Variants in PCDHA2 observed in about 807,000 individuals in gnomAD.
PCDHA2 encodes protocadherin alpha 2.
Under a neutral mutation model 66.0 loss-of-function variants are expected in PCDHA2, and 58 were observed. The ratio of observed to expected loss-of-function variants is 0.88; its 90% CI spans 0.71 to 1.09. The LOEUF (loss-of-function observed/expected upper bound fraction) is 1.09. PCDHA2 is among the 50% of genes least tolerant of loss of function. The pLI is 0.00. For synonymous variants in PCDHA2, 634 were observed against 554.0 expected (o/e 1.14, Z -2.03); for missense variants, 1,267 against 1,242.3 (o/e 1.02, Z -0.30).
chr5:140,927,421 G>A, intron 1 of PCDHA2: 2 of 1,614,208 alleles, frequency 1.2e-6, no homozygotes, highest in South Asian at 1.1e-5. Flanking sequence ...GGGATCGCGG[G>A]TTGACGGCAG....
chr5:140,871,610 T>C (rs2053222652), intron 1 of PCDHA2: 1 of 1,429,404 alleles, frequency 7.0e-7, no homozygotes, highest in South Asian at 1.5e-5. Context: ...GTTTTGAATA[T>C]TGTTTTAGAT....
intron 1 of PCDHA2, chr5:140,967,210 C>T (rs146322183): frequency 1.4e-4 from 231 of 1,613,674 alleles, no homozygotes; most frequent in Admixed American, 5.0e-4. Flanking sequence ...CACCGCGTTT[C>T]CCGCGGCCCA....
At chr5:141,000,743 T>TA (rs527867626) in intron 3 of PCDHA2, among the ~76,000 whole-genome samples, 4,963 of 145,376 alleles carry the variant, frequency 0.034, 280 homozygotes, top group African/African-American at 0.12. Flanking sequence ...CTCTGTATAT[T>TA]AAAAAAAAAA....
chr5:140,820,446 G>T (rs1554127843), intron 1 of PCDHA2, among the ~76,000 whole-genome samples: 2 of 151,820 alleles, frequency 1.3e-5, no homozygotes, highest in African/African-American at 4.8e-5. Context: ...TAATCTCTTG[G>T]TCCCTCTTGT....
chr5:140,816,342 A>C (rs1554127037), intron 1 of PCDHA2: 3 of 152,042 alleles, frequency 2.0e-5, no homozygotes, highest in Non-Finnish European at 4.4e-5. Context: ...CAGTTCCAAA[A>C]TTTCTTTTTA....
At chr5:140,843,797 TC>T (rs2150366805) in intron 1 of PCDHA2, 1 of 1,359,254 alleles carries the variant, frequency 7.4e-7, no homozygotes, top group South Asian at 1.4e-5. Flanking sequence ...ATTTAGTTTT[TC>T]ACCGTATTTT....
chr5:140,863,155 T>G (rs1554157838), intron 1 of PCDHA2: 1 of 635,268 alleles, frequency 1.6e-6, no homozygotes, highest in Admixed American at 1.9e-5. Context: ...GAAGGACCAC[T>G]GCGAGCTGGC....
In PCDHA2 at chr5:140,795,246, G is replaced by A. The variant is rs1249939086; in HGVS notation, c.282G>A (p.Glu94=). The A allele has an allele frequency of 9.9e-6, 16 of 1,614,154 alleles. No individual in the cohort carries two copies. The highest frequency in any genetic ancestry group is 3.3e-4 in the Middle Eastern group (2 of 6,084). The change falls in exon 1 of 4, where the codon GAG becomes GAA. Residue 94 remains glutamate, a synonymous_variant. Transcript: ENST00000526136. ...TGAATTCTCGGATCGACCGGGAGGAGCTGTGCGGGCGGAGCGCGGAATGTA... is the reference window on the plus strand; with the variant it reads ...TGAATTCTCGGATCGACCGGGAGGAACTGTGCGGGCGGAGCGCGGAATGTA... The part of the protein sequence containing the change: ...LFVNSRIDRE[E]LCGRSAECSI...
In PCDHA2 at chr5:140,841,673, C is replaced by T; in HGVS notation, c.2388+44321C>T. On this transcript the variant is annotated intron_variant, in intron 1 of 3. Transcript: ENST00000526136. ...CGTGGACAGGCCGCTGCAGGTTTTCCATGTGGACGTGGAGGTGAAGGATGT... is the reference window on the plus strand; with the variant it reads ...CGTGGACAGGCCGCTGCAGGTTTTCTATGTGGACGTGGAGGTGAAGGATGT... 1.2e-6 allele frequency: 2 copies of T among 1,614,024 alleles called. No individual in the cohort carries two copies. The highest frequency in any genetic ancestry group is 1.7e-6 in the Non-Finnish European group (2 of 1,179,944).
chr5:140,938,148 A>G (rs563866654), intron 1 of PCDHA2, among the ~76,000 whole-genome samples: 1 of 152,284 alleles, frequency 6.6e-6, no homozygotes, highest in African/African-American at 2.4e-5. Context: ...GTCTCACTAC[A>G]TTGCCCAGGC....
intron 1 of PCDHA2, among the ~76,000 whole-genome samples, chr5:140,917,584 A>T (rs2153544569): frequency 6.6e-6 from 1 of 152,336 alleles, no homozygotes; most frequent in South Asian, 2.1e-4. Context: ...ATTTTTGTTC[A>T]TGCTGAAAGG....
At chr5:140,805,508 A>AT (rs1451162249) in intron 1 of PCDHA2, 1 of 988,548 alleles carries the variant, frequency 1.0e-6, no homozygotes, top group Admixed American at 6.1e-5. Context: ...CACTAGATTG[A>AT]TTTTTTGTTT....
intron 3 of PCDHA2, among the ~76,000 whole-genome samples, chr5:140,998,139 G>C (rs1354714500): frequency 2.0e-5 from 3 of 152,176 alleles, no homozygotes; most frequent in Non-Finnish European, 4.4e-5. Flanking sequence ...TAGCTAACCT[G>C]TACTGAACAG....
At chr5:140,801,326 C>A (rs782180915) in intron 1 of PCDHA2, 1 of 1,613,294 alleles carries the variant, frequency 6.2e-7, no homozygotes, top group East Asian at 2.2e-5. Context: ...AGCATGGCAC[C>A]TTCGTGGGCC....
intron 1 of PCDHA2, chr5:140,834,400 G>A: frequency 1.2e-6 from 2 of 1,605,520 alleles, no homozygotes; most frequent in Non-Finnish European, 8.5e-7. Flanking sequence ...TGCCCGAATG[G>A]ATACGACCCA....
In PCDHA2 at chr5:140,796,492, G is replaced by T. The variant is rs1562160461; in HGVS notation, c.1528G>T (p.Val510Leu). Residue 510 changes from valine (V) to leucine (L), a missense_variant, in exon 1 of 4, where the codon GTG (valine) becomes TTG (leucine). Physicochemically the swap from Val to Leu is conservative, Grantham distance 32. Transcript: ENST00000526136. Reference sequence around the variant, plus strand: ...GCGCGCGTTGTCGAGCTACGTTTCGGTGCACGCGGAGAGCGGCAAGGTGTA... The same window carrying T: ...GCGCGCGTTGTCGAGCTACGTTTCGTTGCACGCGGAGAGCGGCAAGGTGTA... Reference protein sequence around the residue: ...GERALSSYVSVHAESGKVYAL... With the variant: ...GERALSSYVSLHAESGKVYAL... 6.2e-7 allele frequency: 1 copy of T among 1,612,332 alleles called. No homozygotes were observed. The highest frequency in any genetic ancestry group is 1.7e-5 in the Admixed American group (1 of 60,014).
At chr5:140,836,565 T>G (rs2150264210) in intron 1 of PCDHA2, 7 of 1,613,616 alleles carry the variant, frequency 4.3e-6, no homozygotes, top group African/African-American at 1.3e-5. Flanking sequence ...AGCGCCGTCC[T>G]CTGAGGGCGC....
chr5:140,929,694 A>G, intron 1 of PCDHA2: 1 of 270,028 alleles, frequency 3.7e-6, no homozygotes, highest in Non-Finnish European at 7.3e-6. Flanking sequence ...AGTCTGCTTT[A>G]TATGAATATA....
chr5:140,822,222 G>C (rs2150114654), intron 1 of PCDHA2: 1 of 1,614,212 alleles, frequency 6.2e-7, no homozygotes, highest in South Asian at 1.1e-5. Flanking sequence ...TGCCAGATTC[G>C]CGGTTTCCGC....
Sources: gnomAD v4.1 joint callset for allele counts (sites outside exome capture counted in the v4.1 genomes callset) on GRCh38, gnomAD v4.1.1 for gene constraint, MANE v1.5 for transcripts, NCBI Gene and HGNC (gene_info 2026-07-23, HGNC 2026-07-21) for gene names.